The following PLA2G6 variants were observed in gnomAD, a reference collection of about 807,000 sequenced individuals.
PLA2G6 encodes the protein 85/88 kDa calcium-independent phospholipase A2.
In PLA2G6, 62 loss-of-function variants were observed where a neutral mutation model predicts 83.8. The observed-to-expected ratio is 0.74, with a 90% confidence interval of 0.60 to 0.91. The LOEUF (loss-of-function observed/expected upper bound fraction) is 0.91, where lower values mean the gene tolerates loss of function less well. PLA2G6 is among the 40% of genes least tolerant of loss of function. The pLI is 0.00. For synonymous variants in PLA2G6, 417 were observed against 449.8 expected (o/e 0.93, Z 0.92); for missense variants, 944 against 1,102.0 (o/e 0.86, Z 2.03).
chr22:38,135,951 G>C (rs1324023636), intron 5 of PLA2G6: 1 of 152,212 alleles, frequency 6.6e-6, no homozygotes, highest in Non-Finnish European at 1.5e-5. Context: ...GCGTCTATCA[G>C]TGAAGGACTG....
chr22:38,139,426 T>TATTTATTTATTTATTC (rs2088757587), intron 5 of PLA2G6: 1 of 151,118 alleles, frequency 6.6e-6, no homozygotes, highest in Admixed American at 6.6e-5. Flanking sequence ...TTTATTTATT[T>TATTTATTTATTTATTC]ATTTATTTAT....
intron 1 of PLA2G6, among the ~76,000 whole-genome samples, chr22:38,177,608 G>A (rs965962946): frequency 2.6e-5 from 4 of 151,748 alleles, no homozygotes; most frequent in African/African-American, 4.8e-5. Flanking sequence ...GATTACAGGC[G>A]CGCACCACCA....
At chr22:38,124,691 G>A (rs2087730470) in intron 10 of PLA2G6, among the ~76,000 whole-genome samples, 1 of 152,178 alleles carries the variant, frequency 6.6e-6, no homozygotes, top group Non-Finnish European at 1.5e-5. Flanking sequence ...GCTCCACCAG[G>A]GCAGAAGCCG....
chr22:38,176,874 C>T (rs2090653063), intron 1 of PLA2G6, among the ~76,000 whole-genome samples: 1 of 152,040 alleles, frequency 6.6e-6, no homozygotes, highest in Non-Finnish European at 1.5e-5. Context: ...AAAACCCCAT[C>T]TCTACTAAAA....
At position 38,140,068 on chromosome 22, in the gene PLA2G6, G is replaced by A. The variant is rs753381368; in HGVS notation, c.711C>T (p.Arg237=). 21 of 1,614,008 alleles carry A rather than the reference G, an allele frequency of 1.3e-5. No individual in the cohort carries two copies. The highest frequency in any genetic ancestry group is 6.7e-5 in the East Asian group (3 of 44,888). The change falls in exon 5 of 17, where the codon CGC becomes CGT. Residue 237 remains arginine (R), a synonymous_variant. Coordinates refer to ENST00000332509, the MANE Select transcript of PLA2G6 (RefSeq NM_003560.4). ...ACQLGKQEMV[R]VLLLCNARCN... Reference sequence around the variant, plus strand: ...ACCGAGCATTGCACAGCAGCAGCACGCGGACCATCTCCTGCTTCCCCAGCT... The same window carrying A: ...ACCGAGCATTGCACAGCAGCAGCACACGGACCATCTCCTGCTTCCCCAGCT...
intron 1 of PLA2G6, among the ~76,000 whole-genome samples, chr22:38,181,109 C>A (rs1052027391): frequency 6.6e-6 from 1 of 152,118 alleles, no homozygotes; most frequent in Non-Finnish European, 1.5e-5. Context: ...CCCATGATCA[C>A]CCTGGTCACA....
At chr22:38,165,245 T>G (rs2090169886) in intron 2 of PLA2G6, among the ~76,000 whole-genome samples, 1 of 152,196 alleles carries the variant, frequency 6.6e-6, no homozygotes, top group Non-Finnish European at 1.5e-5. Flanking sequence ...TCCACAAACC[T>G]GATCTACGCC....
rs2087617922 is a variant in PLA2G6, at chr22:38,123,096, G to A, written c.1590C>T (p.His530=). The change falls in exon 11 of 17, where the codon CAC becomes CAT. Residue 530 remains histidine, a splice_region_variant and synonymous_variant. Coordinates refer to ENST00000332509, the MANE Select transcript of PLA2G6 (RefSeq NM_003560.4). The surrounding 1 kb of genome is among the most constrained non-coding windows in gnomAD (Gnocchi z 4.1). ...CCCATCCCCAGGGGCCGCCCTCACT[G>A]TGCAGAATGGCCAGGGCCAGGATGC... ...TGGILALAIL[H]SKSMAYMRGM... The A allele has an allele frequency of 1.3e-6, 2 of 1,548,780 alleles. No individual in the cohort carries two copies. The highest frequency in any genetic ancestry group is 1.7e-6 in the Non-Finnish European group (2 of 1,147,044).
Position 38,115,585 on chromosome 22 carries a change from T to C in PLA2G6, c.1976A>G (p.Asn659Ser), listed in dbSNP as rs1555978219. The C allele has an allele frequency of 6.2e-7, 1 of 1,613,208 alleles. No homozygotes were observed. Among genetic ancestry groups the C allele is most frequent in the Non-Finnish European group, 8.5e-7 (1 of 1,179,850 alleles). Residue 659 changes from asparagine (N) to serine (S), a missense_variant, in exon 14 of 17, where the codon AAC becomes AGC. Coordinates refer to ENST00000332509, the MANE Select transcript of PLA2G6 (RefSeq NM_003560.4). ...CTCGGTCATGGCATCCAGCGTGGGG[T>C]TGTTGGCCAGCAGCCCACCGTCCAG... ...RFLDGGLLANNPTLDAMTEIH... is the reference protein window; with the variant it reads ...RFLDGGLLANSPTLDAMTEIH...
chr22:38,157,905 G>T (rs1400124068), intron 2 of PLA2G6, among the ~76,000 whole-genome samples: 2 of 151,760 alleles, frequency 1.3e-5, no homozygotes, highest in Non-Finnish European at 2.9e-5. Flanking sequence ...GTGTGGTGGT[G>T]GGCGCCTGTA....
chr22:38,171,429 A>C (rs568661812), intron 1 of PLA2G6, among the ~76,000 whole-genome samples: 1 of 152,224 alleles, frequency 6.6e-6, no homozygotes, highest in South Asian at 2.1e-4. Flanking sequence ...TGGCTCAATC[A>C]TGGCTCACTG....
chr22:38,116,350 C>T (rs1350342304), intron 12 of PLA2G6, 139 bp from the exon 13 acceptor site: 7 of 928,456 alleles, frequency 7.5e-6, no homozygotes, highest in South Asian at 1.4e-5. Flanking sequence ...CTTCTCCCCG[C>T]ACCATCCCCG....
chr22:38,164,423 C>A (rs1005734899), intron 2 of PLA2G6, among the ~76,000 whole-genome samples: 5 of 152,178 alleles, frequency 3.3e-5, no homozygotes, highest in African/African-American at 1.2e-4. Flanking sequence ...CAGTAATGAC[C>A]CCACCTCGTG....
chr22:38,154,024 G>C (rs1270760733), intron 2 of PLA2G6, among the ~76,000 whole-genome samples: 17 of 152,226 alleles, frequency 1.1e-4, no homozygotes. Flanking sequence ...GGAAAGGGGA[G>C]GGAAGAGCAG....
chr22:38,135,024 G>A lies in PLA2G6; in HGVS notation c.858C>T (p.Tyr286=), dbSNP rs756418076. 5 of 1,444,436 alleles carry A rather than the reference G, an allele frequency of 3.5e-6. No homozygotes were observed. The highest frequency in any genetic ancestry group is 1.4e-5 in the African/African-American group (1 of 69,086). The allele number at this position is 1,444,436 out of a possible 1,614,324, so 89.5% of individuals were successfully genotyped here. A position where few individuals can be genotyped will look rare whatever the true frequency, so the allele number is the denominator to read the frequency against. The change falls in exon 6 of 17, where the codon TAC becomes TAT. Residue 286 remains tyrosine, a synonymous_variant. Transcript: ENST00000332509. ...SSQIHSKDPR[Y]GASPLHWAKN... ...TGGCCCAGTGGAGGGGGCTGGCTCC[G>A]TAACGGGGGTCTTTGCTGTGGATCT...
chr22:38,112,382 G>A (rs2086919831), intron 16 of PLA2G6, 77 bp from the exon 17 acceptor site: 2 of 1,561,394 alleles, frequency 1.3e-6, no homozygotes, highest in Non-Finnish European at 8.7e-7. Flanking sequence ...ACCAGGGTGG[G>A]CTTGGGGAAC....
chr22:38,143,373 C>T (rs935151127), intron 3 of PLA2G6, 85 bp from the exon 4 acceptor site: 2 of 1,300,546 alleles, frequency 1.5e-6, no homozygotes, highest in African/African-American at 1.4e-5. Context: ...CAGGGAAGTG[C>T]ACTCGGAAAC....
rs1324866942 is a variant in PLA2G6, at chr22:38,145,879, T to A, written c.210-226A>T. 3.6e-5 allele frequency: 20 copies of A among 557,694 alleles called. No individual in the cohort carries two copies. The South Asian group carries it at 3.9e-4, about 11-fold the overall frequency. The allele number at this position is 557,694 out of a possible 1,614,324, so 34.5% of individuals were successfully genotyped here. A position where few individuals can be genotyped will look rare whatever the true frequency, so the allele number is the denominator to read the frequency against. On this transcript the variant is annotated intron_variant, in intron 2 of 16. Transcript: ENST00000332509. ...ACATAATGGCGTTTAGGTTAGACTT[T>A]CTTTGTTTTTTAGAGACAAGGTCTT... is the stretch of plus-strand genomic sequence containing the variant.
At chr22:38,181,507 A>G (rs1307535462) in intron 1 of PLA2G6, among the ~76,000 whole-genome samples, 157 bp downstream of exon 1, 3 of 152,064 alleles carry the variant, frequency 2.0e-5, no homozygotes, top group African/African-American at 7.2e-5. Context: ...ACTGGGGTTC[A>G]GGGGAGAAAC....
Sources: allele counts gnomAD v4.1 joint callset (sites outside exome capture counted in the v4.1 genomes callset), GRCh38; gene constraint gnomAD v4.1.1; non-coding constraint Gnocchi (gnomAD v3.1); transcripts MANE v1.5; gene names NCBI Gene and HGNC (gene_info 2026-07-23, HGNC 2026-07-21).